The following ATG14 variants were observed in gnomAD, a reference collection of about 807,000 sequenced individuals.
ATG14 encodes beclin 1-associated autophagy-related key regulator.
In ATG14, 35 loss-of-function variants were observed where a neutral mutation model predicts 60.4. The observed-to-expected ratio is 0.58, with a 90% CI of 0.44 to 0.77. ATG14 has a LOEUF of 0.77. Ranked by LOEUF, ATG14 falls within the 30% of genes least tolerant of loss-of-function variation. ATG14 has a pLI of 0.00. For missense variants in ATG14, 647 were observed against 626.3 expected (o/e 1.03, Z -0.35); for synonymous variants, 234 against 228.8 (o/e 1.02, Z -0.21).
chr14:55,411,802 C>G lies in ATG14; in HGVS notation c.21G>C (p.Lys7Asn), dbSNP rs958463814. MASPSGKGARALEAPGC... is the reference protein window; with the variant it reads MASPSGNGARALEAPGC... ...CAGGAGCCTCCAGCGCCCGGGCTCC[C>G]TTCCCACTGGGAGACGCCATGATGG... is the stretch of plus-strand genomic sequence containing the variant. Residue 7 changes from lysine to asparagine, a missense_variant, in exon 1 of 10, where the codon AAG (lysine) becomes AAC (asparagine). Transcript: ENST00000247178. 1.3e-6 allele frequency: 2 copies of G among 1,597,620 alleles called. No individual in the cohort carries two copies. The highest frequency in any genetic ancestry group is 1.1e-5 in the South Asian group (1 of 88,962).
At chr14:55,370,343 A>G (rs765100016) in intron 9 of ATG14, among the ~76,000 whole-genome samples, 3 of 152,340 alleles carry the variant, frequency 2.0e-5, no homozygotes, top group East Asian at 3.9e-4. Context: ...ATTTAGTGTA[A>G]TAAGTAATAA....
rs1255322834 is a variant in ATG14 at position 55,371,814 on chromosome 14, C to A, written c.1173-1889G>T. 1.6e-4 allele frequency among the ~76,000 whole-genome samples: 24 copies of A among 150,452 alleles called. 1 individual carries two copies. The East Asian group carries it at 4.1e-3, about 26-fold the overall frequency. ...GCGAGACTCTGTCTCAAAAAACAAA[C>A]AAAAAAACAAAGAGCCCCTCAGACT... On this transcript the variant is annotated intron_variant, in intron 9 of 9. Transcript: ENST00000247178.
intron 1 of ATG14, among the ~76,000 whole-genome samples, chr14:55,398,896 T>A (rs1406508613): frequency 6.6e-6 from 1 of 151,960 alleles, no homozygotes; most frequent in African/African-American, 2.4e-5. Flanking sequence ...CAACTGACTG[T>A]GGAGTGAACG....
intron 1 of ATG14, among the ~76,000 whole-genome samples, chr14:55,410,647 G>A (rs189119089): frequency 2.6e-5 from 4 of 152,324 alleles, no homozygotes; most frequent in Non-Finnish European, 5.9e-5. Context: ...CGGGTACATA[G>A]GTCCAAGCTG....
chr14:55,401,426 A>C (rs2140148836), intron 1 of ATG14, among the ~76,000 whole-genome samples: 1 of 152,196 alleles, frequency 6.6e-6, no homozygotes, highest in East Asian at 1.9e-4. Flanking sequence ...TAATGACACT[A>C]GTTTTTGTGC....
At chr14:55,394,005 ATTT>A (rs1300990357) in intron 3 of ATG14, among the ~76,000 whole-genome samples, 3 of 138,894 alleles carry the variant, frequency 2.2e-5, no homozygotes, top group Non-Finnish European at 1.6e-5. Context: ...CAGTATCATA[ATTT>A]TTTTTTTTTT....
At chr14:55,382,310 TA>T (rs1885050228) in intron 5 of ATG14, 119 bp from the exon 6 acceptor site, 1 of 784,924 alleles carries the variant, frequency 1.3e-6, no homozygotes, top group East Asian at 2.7e-5. Context: ...AATTTTACAT[TA>T]AATTTTTATT....
chr14:55,386,138 AGTTCCT>A, intron 4 of ATG14, 42 bp from the exon 5 acceptor site: 1 of 1,543,308 alleles, frequency 6.5e-7, no homozygotes, highest in Non-Finnish European at 8.9e-7. Flanking sequence ...CTCTGCAAAC[AGTTCCT>A]GTGTACTGCA....
chr14:55,402,652 A>G (rs1885416269), intron 1 of ATG14, among the ~76,000 whole-genome samples: 1 of 151,838 alleles, frequency 6.6e-6, no homozygotes, highest in Non-Finnish European at 1.5e-5. Context: ...ATAAGATTTA[A>G]AAACCTGGTC....
chr14:55,404,418 G>A (rs539157249), intron 1 of ATG14, among the ~76,000 whole-genome samples: 4 of 152,296 alleles, frequency 2.6e-5, no homozygotes, highest in African/African-American at 9.6e-5. Context: ...GCTCTGCCAT[G>A]CGCAAGTAAG....
chr14:55,383,857 T>G (rs1885078460), intron 5 of ATG14, among the ~76,000 whole-genome samples: 1 of 152,072 alleles, frequency 6.6e-6, no homozygotes, highest in Non-Finnish European at 1.5e-5. Flanking sequence ...AGATGGTCAG[T>G]GTGGCTGGTG....
chr14:55,408,143 T>G (rs1317747341), intron 1 of ATG14, among the ~76,000 whole-genome samples: 1 of 152,088 alleles, frequency 6.6e-6, no homozygotes, highest in Non-Finnish European at 1.5e-5. Context: ...CAAAATGAAA[T>G]AAACATGAAG....
chr14:55,404,602 T>C (rs1052869382), intron 1 of ATG14, among the ~76,000 whole-genome samples: 7 of 152,164 alleles, frequency 4.6e-5, no homozygotes, highest in African/African-American at 1.4e-4. Context: ...CTTGAAAATA[T>C]CTAGAGGGAG....
chr14:55,398,313 T>A (rs1885348130), intron 1 of ATG14, among the ~76,000 whole-genome samples: 2 of 152,110 alleles, frequency 1.3e-5, no homozygotes, highest in Admixed American at 1.3e-4. Context: ...CTTACTTGGG[T>A]TTTTTGTTTT....
rs1262647796 is a variant in ATG14, at chr14:55,369,568, T to C, written c.*51A>G. 2 of 1,418,352 alleles carry C rather than the reference T, an allele frequency of 1.4e-6. No homozygotes were observed. The highest frequency in any genetic ancestry group is 2.3e-5 in the East Asian group (1 of 43,140). The allele number at this position is 1,418,352 out of a possible 1,614,324, so 87.9% of individuals were successfully genotyped here. On this transcript the variant is annotated 3_prime_UTR_variant, in exon 10 of 10. Coordinates refer to ENST00000247178, the MANE Select transcript of ATG14 (RefSeq NM_014924.5). ...ACAGAAAATGTTTACTAGAGTGTAGTGGGAGAAGAACTTTCTTGATGCAGA... is the reference window on the plus strand; with the variant it reads ...ACAGAAAATGTTTACTAGAGTGTAGCGGGAGAAGAACTTTCTTGATGCAGA...
In ATG14 at chr14:55,371,240, T is replaced by C. The variant is rs535497040; in HGVS notation, c.1173-1315A>G. On this transcript the variant is annotated intron_variant, in intron 9 of 9. Transcript: ENST00000247178. ...GAGCCTAGAATCGTATAGCTTGCCA[T>C]TTCAGCCTATGGTCCCAAATTCTCC... Among the ~76,000 whole-genome samples the C allele has an allele frequency of 1.3e-5, 2 of 152,280 alleles. 1 individual carries two copies. Among genetic ancestry groups the C allele is most frequent in the African/African-American group, 4.8e-5 (2 of 41,524 alleles).
chr14:55,398,243 G>T (rs371044551), intron 1 of ATG14, among the ~76,000 whole-genome samples: 1 of 152,030 alleles, frequency 6.6e-6, no homozygotes, highest in Non-Finnish European at 1.5e-5. Context: ...GAGCCACCGC[G>T]CCCAGCATAG....
Position 55,390,955 on chromosome 14 carries a change from T to C in ATG14, c.365A>G (p.Gln122Arg), listed in dbSNP as rs769753641. ...TCCTTTACATATTGTTTGTTTTAAC[T>C]GTTCAATCCTCATCTTGCAGGACAT... ...KIMSCKMRIE[Q>R]LKQTICKGNE... is the part of the protein sequence containing the mutation. Residue 122 changes from glutamine (Q) to arginine (R), a missense_variant, in exon 4 of 10, where the codon CAG becomes CGG. Gln to Arg is a conservative substitution (Grantham distance 43, BLOSUM62 1). Coordinates refer to ENST00000247178, the MANE Select transcript of ATG14 (RefSeq NM_014924.5). The C allele has an allele frequency of 6.2e-7, 1 of 1,606,574 alleles. No individual in the cohort carries two copies. The highest frequency in any genetic ancestry group is 2.2e-5 in the East Asian group (1 of 44,776).
In ATG14 at chr14:55,367,428, A is replaced by G. The variant is rs1233111796; in HGVS notation, c.*2191T>C. ...AATCATGAAGCTGAGCACTTAAAAC[A>G]GAGATCCCAGCAGTGTAGAAGAACC... On this transcript the variant is annotated 3_prime_UTR_variant, in exon 10 of 10. Coordinates refer to ENST00000247178, the MANE Select transcript of ATG14 (RefSeq NM_014924.5). 3.9e-5 allele frequency: 6 copies of G among 152,272 alleles called. No homozygotes were observed. The highest frequency in any genetic ancestry group is 2.6e-4 in the Admixed American group (4 of 15,286). 9.4% of individuals were successfully genotyped at this position (152,272 alleles called of 1,614,324 possible).
Sources: gnomAD v4.1 joint callset for allele counts (sites outside exome capture counted in the v4.1 genomes callset) on GRCh38, gnomAD v4.1.1 for gene constraint, MANE v1.5 for transcripts, NCBI Gene and HGNC (gene_info 2026-07-23, HGNC 2026-07-21) for gene names.